Variants in SPAG16 observed in about 807,000 individuals in gnomAD.
The protein encoded by SPAG16 is sperm-associated antigen 16 protein.
A neutral mutation model predicts 80.4 loss-of-function variants in SPAG16; 86 were observed. The ratio of observed to expected loss-of-function variants is 1.07; its 90% confidence interval spans 0.90 to 1.28. The LOEUF is 1.28. SPAG16 is among the 50% of genes most tolerant of loss of function. The pLI is 0.00. For synonymous variants in SPAG16, 294 were observed against 265.9 expected (o/e 1.11, Z -1.03); for missense variants, 870 against 765.3 (o/e 1.14, Z -1.61).
chr2:213,387,427 TGC>T (rs2067483764), intron 9 of SPAG16, among the ~76,000 whole-genome samples: 3 of 108,864 alleles, frequency 2.8e-5, no homozygotes, highest in Non-Finnish European at 5.3e-5. Flanking sequence ...ATGAAATGCA[TGC>T]TCTTTTTTTT....
In SPAG16 at chr2:213,526,557, T is replaced by C. The variant is rs113536141; in HGVS notation, c.1070+36467T>C. On this transcript the variant is annotated intron_variant, in intron 10 of 15. Transcript: ENST00000331683. Reference sequence around the variant, plus strand: ...TAGGTTGGCTGCACAGATGTCAACTTGGAGCCTCCTTTTGGCAGCACCTTA... The same window carrying C: ...TAGGTTGGCTGCACAGATGTCAACTCGGAGCCTCCTTTTGGCAGCACCTTA... Among the ~76,000 whole-genome samples, 120 of 152,310 alleles carry C rather than the reference T, an allele frequency of 7.9e-4. 2 individuals are homozygous for C. The highest frequency in any genetic ancestry group is 3.4e-3 in the Middle Eastern group (1 of 294).
chr2:214,177,888 AATATATATATACATAT>A lies in SPAG16; in HGVS notation c.1720+28650_1720+28665del, dbSNP rs1161077097. Among the ~76,000 whole-genome samples, 155 of 99,824 alleles carry A rather than the reference AATATATATATACATAT, an allele frequency of 1.6e-3. 2 individuals are homozygous for A. Among genetic ancestry groups the A allele is most frequent in the Non-Finnish European group, 2.6e-3 (136 of 52,364 alleles). The allele number at this position is 99,824 out of a possible 152,430, so 65.5% of individuals were successfully genotyped here. On this transcript the variant is annotated intron_variant, in intron 15 of 15. Transcript: ENST00000331683. ...GGTAAATTTTAAGTTAAAAAAGCAGAATATATATATACATATATATATATATACATATATATATATA... is the reference window on the plus strand; with the variant it reads ...GGTAAATTTTAAGTTAAAAAAGCAGAATATATATATACATATATATATATA...
rs1553657365 is a variant in SPAG16 at position 213,896,593 on chromosome 2, C to CTATATATATATAT, written c.1215-33367_1215-33366insTATATATATATAT. Among the ~76,000 whole-genome samples, 329 of 119,696 alleles carry CTATATATATATAT rather than the reference C, an allele frequency of 2.7e-3. 3 individuals carry two copies. The highest frequency in any genetic ancestry group is 6.2e-3 in the African/African-American group (164 of 26,602). 78.5% of individuals were successfully genotyped at this position (119,696 alleles called of 152,430 possible). The stretch of plus-strand genomic sequence containing the variant: ...AATGTGATATATACACACACACACG[C>CTATATATATATAT]ACACACACACACACACACACACATA... On this transcript the variant is annotated intron_variant, in intron 11 of 15. Coordinates refer to ENST00000331683, the MANE Select transcript of SPAG16 (RefSeq NM_024532.5).
chr2:214,034,309 A>G (rs1474910050), intron 13 of SPAG16, among the ~76,000 whole-genome samples: 1 of 152,238 alleles, frequency 6.6e-6, no homozygotes, highest in Non-Finnish European at 1.5e-5. Flanking sequence ...TAACTTTGTA[A>G]TTAAAAAATA....
At chr2:213,638,317 C>T (rs2125104152) in intron 10 of SPAG16, among the ~76,000 whole-genome samples, 1 of 152,008 alleles carries the variant, frequency 6.6e-6, no homozygotes, top group South Asian at 2.1e-4. Context: ...TTCTCTAATT[C>T]TTTGAGGTGT....
chr2:214,345,293 T>C (rs1327995207), intron 15 of SPAG16, among the ~76,000 whole-genome samples: 1 of 152,140 alleles, frequency 6.6e-6, no homozygotes, highest in Non-Finnish European at 1.5e-5. Flanking sequence ...ATATCTGCTG[T>C]TGGTCCCTGG....
rs182675440 is a variant in SPAG16 at position 214,326,644 on chromosome 2, T to A, written c.1721-83496T>A. On this transcript the variant is annotated intron_variant, in intron 15 of 15. Coordinates refer to ENST00000331683, the MANE Select transcript of SPAG16 (RefSeq NM_024532.5). ...GAGGTATTTGTCAAATATCTTTTTT[T>A]AAAAAGTCACAGTACTTCCGGCCGG... Among the ~76,000 whole-genome samples, 405 of 152,210 alleles carry A rather than the reference T, an allele frequency of 2.7e-3. 1 individual carries two copies. Among genetic ancestry groups the A allele is most frequent in the Non-Finnish European group, 4.9e-3 (336 of 67,998 alleles).
intron 10 of SPAG16, among the ~76,000 whole-genome samples, chr2:213,508,356 A>T (rs1040063474): frequency 2.6e-5 from 4 of 152,130 alleles, no homozygotes; most frequent in Non-Finnish European, 5.9e-5. Context: ...GTGGATCATG[A>T]GGTCAGGAGA....
chr2:213,848,865 T>C (rs1243724990), intron 10 of SPAG16, among the ~76,000 whole-genome samples: 1 of 152,188 alleles, frequency 6.6e-6, no homozygotes, highest in Non-Finnish European at 1.5e-5. Flanking sequence ...TTGTGGCCTA[T>C]GACGCAACTG....
At chr2:213,442,648 A>G (rs1289247080) in intron 9 of SPAG16, among the ~76,000 whole-genome samples, 1 of 152,228 alleles carries the variant, frequency 6.6e-6, no homozygotes, top group Non-Finnish European at 1.5e-5. Context: ...TTGACAAAGG[A>G]GAAAAAGCAA....
intron 15 of SPAG16, among the ~76,000 whole-genome samples, chr2:214,405,777 A>G (rs909781300): frequency 6.6e-6 from 1 of 152,210 alleles, no homozygotes; most frequent in Non-Finnish European, 1.5e-5. Flanking sequence ...AGCCTGGGCA[A>G]TAAGAGTGAA....
chr2:214,319,224 A>ACACACACACACACACAC (rs1553554490), intron 15 of SPAG16, among the ~76,000 whole-genome samples: 12 of 151,110 alleles, frequency 7.9e-5, no homozygotes, highest in Admixed American at 2.0e-4. Flanking sequence ...ACACACACAC[A>ACACACACACACACACAC]AGAAGTGTAG....
intron 14 of SPAG16, among the ~76,000 whole-genome samples, chr2:214,143,485 G>A (rs1336420325): frequency 2.0e-5 from 3 of 151,962 alleles, no homozygotes; most frequent in African/African-American, 7.2e-5. Flanking sequence ...ATATAGTTGT[G>A]AGAGTCAGCT....
chr2:213,984,080 G>C (rs555237367), intron 12 of SPAG16, among the ~76,000 whole-genome samples: 1 of 152,122 alleles, frequency 6.6e-6, no homozygotes, highest in Admixed American at 6.6e-5. Flanking sequence ...GTTCCCAATG[G>C]CAAATTGAAT....
chr2:213,531,802 AT>A (rs1221655005), intron 10 of SPAG16, among the ~76,000 whole-genome samples: 1 of 151,824 alleles, frequency 6.6e-6, no homozygotes, highest in Non-Finnish European at 1.5e-5. Flanking sequence ...ATTTTATTCC[AT>A]TTTTTTCCTA....
chr2:213,725,990 C>T lies in SPAG16; in HGVS notation c.1071-136495C>T, dbSNP rs76110790. ...ACCATGTCAAGAGAGATCTCTTTTT[C>T]GGCATTTCTCAACATCTGTAGTATT... On this transcript the variant is annotated intron_variant, in intron 10 of 15. Coordinates refer to ENST00000331683, the MANE Select transcript of SPAG16 (RefSeq NM_024532.5). 3.4e-3 allele frequency among the ~76,000 whole-genome samples: 513 copies of T among 152,260 alleles called. 4 individuals are homozygous for T. The highest frequency in any genetic ancestry group is 0.012 in the African/African-American group (494 of 41,562).
intron 11 of SPAG16, among the ~76,000 whole-genome samples, chr2:213,896,121 G>C (rs572547430): frequency 1.5e-3 from 223 of 151,904 alleles, no homozygotes; most frequent in Non-Finnish European, 2.7e-3. Flanking sequence ...AAATTGTCCA[G>C]TAAAATGGCA....
chr2:213,705,213 G>A (rs549905109), intron 10 of SPAG16, among the ~76,000 whole-genome samples: 61 of 151,830 alleles, frequency 4.0e-4, no homozygotes, highest in African/African-American at 1.4e-3. Context: ...GTGCCACTGC[G>A]CTCCAGCCTG....
chr2:213,285,931 C>T (rs1168059473), intron 1 of SPAG16: 3 of 1,287,950 alleles, frequency 2.3e-6, no homozygotes, highest in Non-Finnish European at 1.0e-6. Context: ...AACCAGGCAT[C>T]TTGTAATTTT....
Sources: allele counts gnomAD v4.1 joint callset (sites outside exome capture counted in the v4.1 genomes callset), GRCh38; gene constraint gnomAD v4.1.1; transcripts MANE v1.5; gene names NCBI Gene and HGNC (gene_info 2026-07-23, HGNC 2026-07-21).